IQCM: variants seen among roughly 807,000 people sequenced by gnomAD.
IQCM encodes the protein IQ domain-containing protein M.
A neutral mutation model predicts 57.6 loss-of-function variants in IQCM; 45 were observed. That is an observed-to-expected ratio of 0.78 (90% CI 0.62 to 1.00). The LOEUF (loss-of-function observed/expected upper bound fraction) is 1.00. IQCM is among the 50% of genes least tolerant of loss of function. The pLI is 0.00. For synonymous variants in IQCM, 148 were observed against 158.9 expected (o/e 0.93, Z 0.51); for missense variants, 468 against 511.6 (o/e 0.91, Z 0.82).
At chr4:149,567,237 C>T (rs1750719778) in intron 9 of IQCM, among the ~76,000 whole-genome samples, 1 of 152,096 alleles carries the variant, frequency 6.6e-6, no homozygotes, top group Admixed American at 6.6e-5. Context: ...ATTTGCGTCT[C>T]TGTTACTTCT....
At chr4:149,450,194 A>G (rs968630592) in intron 12 of IQCM, among the ~76,000 whole-genome samples, 1 of 151,914 alleles carries the variant, frequency 6.6e-6, no homozygotes, top group Admixed American at 6.6e-5. Context: ...GTCTTGCTCT[A>G]TACAAAAATC....
chr4:149,660,447 A>G (rs913035052), intron 7 of IQCM, among the ~76,000 whole-genome samples: 3 of 151,834 alleles, frequency 2.0e-5, no homozygotes, highest in African/African-American at 4.8e-5. Flanking sequence ...ATCTAGAACT[A>G]GAAATACCAT....
chr4:149,372,334 T>C, intron 13 of IQCM, among the ~76,000 whole-genome samples: 1 of 152,326 alleles, frequency 6.6e-6, no homozygotes, highest in East Asian at 1.9e-4. Flanking sequence ...CTGATAAGTT[T>C]TATGAACAAA....
intron 12 of IQCM, among the ~76,000 whole-genome samples, chr4:149,501,231 C>T (rs1191330550): frequency 6.6e-6 from 1 of 152,122 alleles, no homozygotes; most frequent in Non-Finnish European, 1.5e-5. Flanking sequence ...AAATATTTTT[C>T]CCATACCTGA....
At chr4:149,365,260 A>T (rs1211803276) in intron 13 of IQCM, among the ~76,000 whole-genome samples, 2 of 152,126 alleles carry the variant, frequency 1.3e-5, no homozygotes, top group Non-Finnish European at 2.9e-5. Context: ...TGTCAAAGAG[A>T]CACAGGAGCC....
chr4:149,355,533 G>A (rs1394073942), intron 13 of IQCM, among the ~76,000 whole-genome samples: 1 of 151,810 alleles, frequency 6.6e-6, no homozygotes, highest in Non-Finnish European at 1.5e-5. Context: ...TGAGAATGAT[G>A]GTTTCCAGCT....
chr4:149,373,181 T>A (rs890656817), intron 13 of IQCM, among the ~76,000 whole-genome samples: 2 of 152,164 alleles, frequency 1.3e-5, no homozygotes, highest in African/African-American at 4.8e-5. Flanking sequence ...CTTTATATGT[T>A]ATTTTATTTT....
At chr4:149,548,839 C>G (rs1352245873) in intron 11 of IQCM, among the ~76,000 whole-genome samples, 2 of 152,098 alleles carry the variant, frequency 1.3e-5, no homozygotes, top group Non-Finnish European at 2.9e-5. Flanking sequence ...TGATAATTGA[C>G]CATAAATCCT....
intron 6 of IQCM, 76 bp from the exon 7 acceptor site, chr4:149,682,282 T>G (rs781531283): frequency 9.2e-6 from 5 of 541,662 alleles, no homozygotes; most frequent in Non-Finnish European, 1.1e-5. Context: ...ACTAAAGTTA[T>G]GGACTAAATG....
chr4:149,674,619 A>G (rs577470653), intron 7 of IQCM, among the ~76,000 whole-genome samples: 1 of 152,180 alleles, frequency 6.6e-6, no homozygotes, highest in South Asian at 2.1e-4. Flanking sequence ...GATGCCTATA[A>G]TCTCCAAAGA....
intron 13 of IQCM, among the ~76,000 whole-genome samples, chr4:149,431,238 T>C (rs190801709): frequency 1.2e-4 from 19 of 152,020 alleles, no homozygotes; most frequent in African/African-American, 4.3e-4. Flanking sequence ...GATAAATAAA[T>C]GCAAAATATT....
chr4:149,397,479 G>A (rs1477820560), intron 13 of IQCM, among the ~76,000 whole-genome samples: 1 of 151,896 alleles, frequency 6.6e-6, no homozygotes, highest in African/African-American at 2.4e-5. Context: ...GAGATCTCAT[G>A]AGATCTGATA....
At chr4:149,617,866 C>G (rs925663314) in intron 8 of IQCM, among the ~76,000 whole-genome samples, 2 of 151,896 alleles carry the variant, frequency 1.3e-5, no homozygotes, top group Admixed American at 6.6e-5. Context: ...ATGGCACAAA[C>G]AAATGGAAAA....
chr4:149,706,273 G>A (rs919532391), intron 5 of IQCM, among the ~76,000 whole-genome samples: 2 of 151,838 alleles, frequency 1.3e-5, no homozygotes, highest in Non-Finnish European at 2.9e-5. Context: ...GAAAGTCTAT[G>A]TGACAAAAAT....
At chr4:149,494,832 G>A (rs1398764127) in intron 12 of IQCM, among the ~76,000 whole-genome samples, 1 of 152,104 alleles carries the variant, frequency 6.6e-6, no homozygotes, top group Non-Finnish European at 1.5e-5. Context: ...CAGTAGTCAT[G>A]GGAGGACTTT....
chr4:149,720,893 T>C (rs904916817), intron 5 of IQCM, among the ~76,000 whole-genome samples: 2 of 152,212 alleles, frequency 1.3e-5, no homozygotes, highest in African/African-American at 4.8e-5. Context: ...CAAATTATTC[T>C]GTGACACCAA....
chr4:149,450,850 C>T (rs138576411), intron 12 of IQCM, among the ~76,000 whole-genome samples: 1 of 151,820 alleles, frequency 6.6e-6, no homozygotes, highest in African/African-American at 2.4e-5. Context: ...TCTAGCAATC[C>T]CACTGCTGGG....
intron 5 of IQCM, among the ~76,000 whole-genome samples, chr4:149,725,165 A>G (rs1312313779): frequency 6.6e-6 from 1 of 152,172 alleles, no homozygotes; most frequent in African/African-American, 2.4e-5. Context: ...CCTTGGATCA[A>G]ATTCAAGGAA....
chr4:149,423,816 T>C (rs1425308457), intron 13 of IQCM, among the ~76,000 whole-genome samples: 1 of 151,980 alleles, frequency 6.6e-6, no homozygotes, highest in Non-Finnish European at 1.5e-5. Flanking sequence ...GTGGAGTGAC[T>C]GAATAATGCC....
Sources: gnomAD v4.1 joint callset for allele counts (sites outside exome capture counted in the v4.1 genomes callset) on GRCh38, gnomAD v4.1.1 for gene constraint, MANE v1.5 for transcripts, NCBI Gene and HGNC (gene_info 2026-07-23, HGNC 2026-07-21) for gene names.